The following SEC24B variants were observed in gnomAD, a reference collection of about 807,000 sequenced individuals.
The protein encoded by SEC24B is SEC24 homolog B, COPII component.
A neutral mutation model predicts 142.8 loss-of-function variants in SEC24B; 45 were observed. The ratio of observed to expected loss-of-function variants is 0.32; its 90% CI spans 0.25 to 0.40. SEC24B has a LOEUF of 0.40. Ranked by LOEUF, SEC24B falls within the 10% of genes least tolerant of loss-of-function variation. The probability of loss-of-function intolerance (pLI) is 1.00; values close to 1 mark genes in which losing one functional copy is unlikely to be tolerated. For synonymous variants in SEC24B, 574 were observed against 568.2 expected (o/e 1.01, Z -0.15); for missense variants, 1,409 against 1,526.8 (o/e 0.92, Z 1.29).
intron 4 of SEC24B, among the ~76,000 whole-genome samples, chr4:109,482,129 T>G (rs79513462): frequency 6.6e-6 from 1 of 152,372 alleles, no homozygotes; most frequent in East Asian, 1.9e-4. Context: ...TTAGGAATAA[T>G]GCTTCATTTT....
At chr4:109,537,785 A>G (rs1725721703) in intron 22 of SEC24B, among the ~76,000 whole-genome samples, 1 of 152,248 alleles carries the variant, frequency 6.6e-6, no homozygotes, top group Non-Finnish European at 1.5e-5. Context: ...ATTCACATCA[A>G]AATGGAAATG....
intron 4 of SEC24B, among the ~76,000 whole-genome samples, chr4:109,483,070 A>ATTTATT (rs1561117757): frequency 9.3e-6 from 1 of 107,018 alleles, no homozygotes; most frequent in African/African-American, 4.1e-5. Flanking sequence ...ATATATATAT[A>ATTTATT]TATGTATGTA....
chr4:109,530,365 T>G lies in SEC24B; in HGVS notation c.3153T>G (p.Ser1051=), dbSNP rs1464531082. ...TGAATGCTGTAGTGGACTCATTGTC[T>G]GCATATGGCTCAACTGTCTCAAATT... The part of the protein sequence containing the change: ...ALVNAVVDSL[S]AYGSTVSNLQ... The change falls in exon 19 of 24, where the codon TCT becomes TCG. Residue 1051 remains serine (S), a synonymous_variant. Transcript: ENST00000265175. 6.2e-7 allele frequency: 1 copy of G among 1,614,170 alleles called. No homozygotes were observed. The highest frequency in any genetic ancestry group is 1.7e-5 in the Admixed American group (1 of 60,022).
chr4:109,538,637 A>C, intron 23 of SEC24B, 41 bp downstream of exon 23: 1 of 1,266,746 alleles, frequency 7.9e-7, no homozygotes, highest in Non-Finnish European at 1.2e-6. Flanking sequence ...TGTCTTTCCT[A>C]TGTAGTCTGT....
At chr4:109,507,981 T>TA (rs925608730) in intron 7 of SEC24B, among the ~76,000 whole-genome samples, 7 of 151,200 alleles carry the variant, frequency 4.6e-5, no homozygotes, top group South Asian at 2.1e-4. Context: ...TTTCCAGCTT[T>TA]AAAAAAAAAG....
intron 7 of SEC24B, among the ~76,000 whole-genome samples, chr4:109,509,307 G>A (rs1737052640): frequency 1.3e-5 from 2 of 152,176 alleles, no homozygotes; most frequent in African/African-American, 4.8e-5. Context: ...TTCTTGCCTG[G>A]CTTTCAGTAC....
chr4:109,504,615 T>C (rs2126032398), intron 6 of SEC24B, among the ~76,000 whole-genome samples: 1 of 152,306 alleles, frequency 6.6e-6, no homozygotes, highest in African/African-American at 2.4e-5. Context: ...GGCCATAATA[T>C]GTATTTTGGT....
At chr4:109,487,756 G>T (rs1413826469) in intron 4 of SEC24B, among the ~76,000 whole-genome samples, 4 of 152,132 alleles carry the variant, frequency 2.6e-5, no homozygotes, top group Non-Finnish European at 5.9e-5. Context: ...TCATTGCTTT[G>T]ATATTTTGAC....
chr4:109,537,856 T>C (rs1465121346), intron 22 of SEC24B, among the ~76,000 whole-genome samples: 2 of 152,224 alleles, frequency 1.3e-5, no homozygotes, highest in African/African-American at 4.8e-5. Context: ...TATTTAAATT[T>C]TGTTATATAC....
At chr4:109,532,780 G>A in intron 21 of SEC24B, 37 bp downstream of exon 21, 1 of 1,048,766 alleles carries the variant, frequency 9.5e-7, no homozygotes, top group Non-Finnish European at 1.5e-6. Flanking sequence ...AACACTGTTT[G>A]AGCTGACCAA....
intron 19 of SEC24B, 53 bp downstream of exon 19, chr4:109,530,517 A>G: frequency 7.1e-7 from 1 of 1,412,550 alleles, no homozygotes. Flanking sequence ...ATTCTCAGAT[A>G]TGTACATGAA....
rs141480171 is a variant in SEC24B at position 109,537,078 on chromosome 4, C to T, written c.3589-1415C>T. Among the ~76,000 whole-genome samples, 398 of 152,150 alleles carry T rather than the reference C, an allele frequency of 2.6e-3. 1 individual carries two copies. Among genetic ancestry groups the T allele is most frequent in the African/African-American group, 9.0e-3 (374 of 41,506 alleles). On this transcript the variant is annotated intron_variant, in intron 22 of 23. Coordinates refer to ENST00000265175, the MANE Select transcript of SEC24B (RefSeq NM_006323.5). Reference sequence around the variant, plus strand: ...GAAGACCTTCCTTACTTTCTGCCTCCTCCAGACAAAACTGGGTAAAGGATT... The same window carrying T: ...GAAGACCTTCCTTACTTTCTGCCTCTTCCAGACAAAACTGGGTAAAGGATT...
At chr4:109,482,989 C>T (rs1235513784) in intron 4 of SEC24B, among the ~76,000 whole-genome samples, 18 of 93,518 alleles carry the variant, frequency 1.9e-4, no homozygotes, top group African/African-American at 2.7e-4. Context: ...TACACACACA[C>T]ACACACACAC....
At chr4:109,509,270 C>G (rs1027810063) in intron 7 of SEC24B, among the ~76,000 whole-genome samples, 1 of 152,206 alleles carries the variant, frequency 6.6e-6, no homozygotes, top group Non-Finnish European at 1.5e-5. Flanking sequence ...GATATCTCTA[C>G]ATGATATTAA....
chr4:109,493,690 G>C (rs912979714), intron 5 of SEC24B, among the ~76,000 whole-genome samples: 1 of 150,566 alleles, frequency 6.6e-6, no homozygotes, highest in Non-Finnish European at 1.5e-5. Flanking sequence ...GTGCAATGGC[G>C]CAATCTCGGC....
chr4:109,443,189 C>A (rs112844616), intron 1 of SEC24B, among the ~76,000 whole-genome samples: 51 of 152,238 alleles, frequency 3.4e-4, no homozygotes, highest in African/African-American at 1.2e-3. Flanking sequence ...AGCAATCTGA[C>A]AATCTGAAGA....
At chr4:109,463,964 A>G (rs1731585608) in intron 2 of SEC24B, among the ~76,000 whole-genome samples, 1 of 152,196 alleles carries the variant, frequency 6.6e-6, no homozygotes, top group South Asian at 2.1e-4. Context: ...TTTTGAGGAT[A>G]TGTTGGCCAC....
chr4:109,502,886 CCT>C (rs1359350645), intron 6 of SEC24B, among the ~76,000 whole-genome samples: 1 of 151,780 alleles, frequency 6.6e-6, no homozygotes, highest in African/African-American at 2.4e-5. Context: ...TACTGAAATC[CCT>C]GTTTATATTT....
chr4:109,499,770 C>T (rs1220592716), intron 6 of SEC24B, among the ~76,000 whole-genome samples: 2 of 152,162 alleles, frequency 1.3e-5, no homozygotes, highest in Non-Finnish European at 2.9e-5. Flanking sequence ...ATGCACAGTA[C>T]ATAATACTTG....
Sources: allele counts gnomAD v4.1 joint callset (sites outside exome capture counted in the v4.1 genomes callset), GRCh38; gene constraint gnomAD v4.1.1; transcripts MANE v1.5; gene names NCBI Gene and HGNC (gene_info 2026-07-23, HGNC 2026-07-21).